Variants in DLG1 observed in about 807,000 individuals in gnomAD.
DLG1 encodes the protein disks large homolog 1.
In DLG1, 42 loss-of-function variants were observed where a neutral mutation model predicts 123.4. The observed-to-expected ratio is 0.34, with a 90% CI of 0.27 to 0.44. The LOEUF (loss-of-function observed/expected upper bound fraction) is 0.44. Ranked by LOEUF, DLG1 falls within the 20% of genes least tolerant of loss-of-function variation. DLG1 has a pLI of 1.00. For synonymous variants in DLG1, 317 were observed against 356.2 expected (o/e 0.89, Z 1.24); for missense variants, 942 against 1,082.6 (o/e 0.87, Z 1.82).
At chr3:197,123,820 T>C (rs1777643906) in intron 11 of DLG1, among the ~76,000 whole-genome samples, 1 of 152,132 alleles carries the variant, frequency 6.6e-6, no homozygotes, top group South Asian at 2.1e-4. Flanking sequence ...TGTAAGTGAC[T>C]CAACAGTAAA....
chr3:197,266,843 A>G (rs1379339694), intron 4 of DLG1, among the ~76,000 whole-genome samples: 2 of 152,220 alleles, frequency 1.3e-5, no homozygotes, highest in Non-Finnish European at 2.9e-5. Flanking sequence ...AACCAAACCA[A>G]TATACAAGTA....
intron 4 of DLG1, among the ~76,000 whole-genome samples, chr3:197,274,722 T>C (rs1765576629): frequency 6.6e-6 from 1 of 152,182 alleles, no homozygotes; most frequent in African/African-American, 2.4e-5. Context: ...CTGCAATTTA[T>C]CTGACAAGTA....
At chr3:197,097,221 G>C (rs182024428) in intron 14 of DLG1, among the ~76,000 whole-genome samples, 1 of 152,154 alleles carries the variant, frequency 6.6e-6, no homozygotes, top group African/African-American at 2.4e-5. Flanking sequence ...CAGACTGCTC[G>C]TGGCCCCTTC....
chr3:197,253,170 T>C (rs1342115706), intron 4 of DLG1, among the ~76,000 whole-genome samples: 1 of 151,962 alleles, frequency 6.6e-6, no homozygotes, highest in Non-Finnish European at 1.5e-5. Context: ...ATGATATATC[T>C]GACTAAGGAC....
At chr3:197,283,066 TC>T (rs1770165921) in intron 3 of DLG1, among the ~76,000 whole-genome samples, 1 of 152,192 alleles carries the variant, frequency 6.6e-6, no homozygotes, top group Non-Finnish European at 1.5e-5. Flanking sequence ...TTTTTACACT[TC>T]AAAGTCAGCA....
chr3:197,258,017 C>G (rs1757604204), intron 4 of DLG1, among the ~76,000 whole-genome samples: 1 of 152,060 alleles, frequency 6.6e-6, no homozygotes, highest in Admixed American at 6.6e-5. Flanking sequence ...TGGAAAAGCA[C>G]AAAATACTGT....
chr3:197,239,843 T>TAAAAA (rs3035903), intron 4 of DLG1, among the ~76,000 whole-genome samples: 53,275 of 133,626 alleles, frequency 0.4, 11,606 homozygotes, highest in East Asian at 0.75. Flanking sequence ...ACAGAAAAGT[T>TAAAAA]AAAAAAAAAA....
At chr3:197,104,088 T>C (rs1200868010) in intron 14 of DLG1, among the ~76,000 whole-genome samples, 1 of 152,162 alleles carries the variant, frequency 6.6e-6, no homozygotes, top group African/African-American at 2.4e-5. Context: ...CTTGGCATTC[T>C]TCTCTTTATT....
chr3:197,086,464 AGT>A (rs1231327282), intron 15 of DLG1, among the ~76,000 whole-genome samples: 3 of 152,216 alleles, frequency 2.0e-5, no homozygotes, highest in African/African-American at 7.2e-5. Context: ...CTCTCTCAAG[AGT>A]GTAAGAAAGG....
intron 4 of DLG1, among the ~76,000 whole-genome samples, chr3:197,281,828 C>T (rs1321634): frequency 0.74 from 112,308 of 152,036 alleles, 41,584 homozygotes; most frequent in East Asian, 0.82. Context: ...AGATGTGCTC[C>T]GATTCTTCCT....
intron 4 of DLG1, among the ~76,000 whole-genome samples, chr3:197,206,448 A>C (rs960701040): frequency 2.0e-5 from 3 of 152,082 alleles, no homozygotes; most frequent in African/African-American, 7.2e-5. Context: ...CACAGGCACA[A>C]GCCACCATGC....
intron 5 of DLG1, among the ~76,000 whole-genome samples, chr3:197,191,807 C>T (rs550760996): frequency 2.6e-5 from 4 of 152,170 alleles, no homozygotes; most frequent in Non-Finnish European, 4.4e-5. Context: ...TCTACAATAA[C>T]CACTAAAGGA....
intron 4 of DLG1, among the ~76,000 whole-genome samples, chr3:197,204,250 C>A (rs977128579): frequency 6.6e-6 from 1 of 152,186 alleles, no homozygotes; most frequent in African/African-American, 2.4e-5. Flanking sequence ...AAACACTATT[C>A]TTTTTGTTCT....
In DLG1 at chr3:197,043,387, A is replaced by AAC; in HGVS notation, c.*1235_*1236insGT. On this transcript the variant is annotated 3_prime_UTR_variant, in exon 25 of 25. Transcript: ENST00000667157. ...AGGAACCATTTGAAAACCTTTGTAG[A>AAC]AAAGAGGAGAATATGCCCACACTTT... 1 of 152,262 alleles carries AAC rather than the reference A, an allele frequency of 6.6e-6. No homozygotes were observed. Among genetic ancestry groups the AAC allele is most frequent in the Non-Finnish European group, 1.5e-5 (1 of 68,022 alleles). The allele number at this position is 152,262 out of a possible 1,614,324, so 9.4% of individuals were successfully genotyped here.
At chr3:197,158,568 A>C (rs1212418406) in intron 5 of DLG1, among the ~76,000 whole-genome samples, 2 of 137,758 alleles carry the variant, frequency 1.5e-5, no homozygotes, top group African/African-American at 5.3e-5. Flanking sequence ...CGGGAGGTGG[A>C]GGCTGTGGTG....
At chr3:197,258,276 T>C (rs906291896) in intron 4 of DLG1, among the ~76,000 whole-genome samples, 3 of 152,204 alleles carry the variant, frequency 2.0e-5, no homozygotes, top group Admixed American at 2.0e-4. Context: ...ATGACAGCCT[T>C]AAATTAGTAA....
At chr3:197,158,344 T>C (rs897866561) in intron 5 of DLG1, among the ~76,000 whole-genome samples, 4 of 151,646 alleles carry the variant, frequency 2.6e-5, no homozygotes, top group African/African-American at 9.7e-5. Context: ...TACAACTGGC[T>C]GGATGCAGTG....
At chr3:197,274,566 C>G (rs1560110447) in intron 4 of DLG1, among the ~76,000 whole-genome samples, 1 of 137,678 alleles carries the variant, frequency 7.3e-6, no homozygotes, top group Non-Finnish European at 1.6e-5. Flanking sequence ...TTGGTCAGGG[C>G]AAGTATTTTT....
intron 4 of DLG1, among the ~76,000 whole-genome samples, chr3:197,273,048 T>C (rs1217611003): frequency 1.3e-5 from 2 of 152,154 alleles, no homozygotes; most frequent in African/African-American, 4.8e-5. Flanking sequence ...TTTCTTGACC[T>C]GGTATATTCA....
Sources: gnomAD v4.1 joint callset for allele counts (sites outside exome capture counted in the v4.1 genomes callset) on GRCh38, gnomAD v4.1.1 for gene constraint, MANE v1.5 for transcripts, NCBI Gene and HGNC (gene_info 2026-07-23, HGNC 2026-07-21) for gene names.